ADGRB1: variants seen among roughly 807,000 people sequenced by gnomAD.
ADGRB1 encodes brain-specific angiogenesis inhibitor 1.
ADGRB1 carries 36 observed loss-of-function variants against 175.7 expected under a neutral mutation model. The ratio of observed to expected loss-of-function variants is 0.20; its 90% CI spans 0.16 to 0.27. The LOEUF (loss-of-function observed/expected upper bound fraction) is 0.27. Ranked by LOEUF, ADGRB1 falls within the 10% of genes least tolerant of loss-of-function variation. The probability of loss-of-function intolerance (pLI) is 1.00; values close to 1 mark genes in which losing one functional copy is unlikely to be tolerated. For missense variants in ADGRB1, 1,731 were observed against 2,255.3 expected, an observed-to-expected ratio of 0.77 and a Z score of 4.71; for synonymous variants, 1,054 against 979.4, an observed-to-expected ratio of 1.08 and a Z score of -1.42.
chr8:142,471,983 G>A (rs1399690199), intron 2 of ADGRB1, among the ~76,000 whole-genome samples: 1 of 152,220 alleles, frequency 6.6e-6, no homozygotes, highest in Non-Finnish European at 1.5e-5. Flanking sequence ...CCTCGGACAC[G>A]CTGTGGGTGC....
chr8:142,449,781 G>A lies in ADGRB1; in HGVS notation c.-543G>A, dbSNP rs1448773613. The A allele has an allele frequency of 6.8e-6, 1 of 146,926 alleles. No individual in the cohort carries two copies. The highest frequency in any genetic ancestry group is 2.5e-5 in the African/African-American group (1 of 40,798). 9.1% of individuals were successfully genotyped at this position (146,926 alleles called of 1,614,324 possible). A position where few individuals can be genotyped will look rare whatever the true frequency, so the allele number is the denominator to read the frequency against. On this transcript the variant is annotated 5_prime_UTR_variant, in exon 1 of 31. Coordinates refer to ENST00000517894, the MANE Select transcript of ADGRB1 (RefSeq NM_001702.3). ...AGCGAGCGCGGAGCCGGAGAGCCGG[G>A]AGCACAGGCGGCCGCGCCGCGTCCT...
chr8:142,456,499 GCA>G (rs924729501), intron 1 of ADGRB1, among the ~76,000 whole-genome samples: 4 of 152,024 alleles, frequency 2.6e-5, no homozygotes, highest in African/African-American at 9.7e-5. Context: ...GCTGGAACAC[GCA>G]CATTCTGTTC....
intron 7 of ADGRB1, chr8:142,479,013 C>T (rs567174274): frequency 7.6e-5 from 24 of 314,956 alleles, no homozygotes; most frequent in Admixed American, 5.8e-4. Context: ...CACAGTGGGA[C>T]TTGGGGTGTC....
At chr8:142,477,070 G>C in intron 4 of ADGRB1, 44 bp from the exon 5 acceptor site, 7 of 1,479,372 alleles carry the variant, frequency 4.7e-6, no homozygotes, top group Non-Finnish European at 5.4e-6. Context: ...TCTGACTGCA[G>C]CCCCATGGGC....
chr8:142,469,361 A>G (rs1840473340), intron 2 of ADGRB1, among the ~76,000 whole-genome samples: 1 of 147,968 alleles, frequency 6.8e-6, no homozygotes, highest in Non-Finnish European at 1.5e-5. Context: ...GTCTATGTGC[A>G]CGTGCATGTG....
At chr8:142,500,716 A>T (rs1016654777) in intron 17 of ADGRB1, among the ~76,000 whole-genome samples, 2 of 152,046 alleles carry the variant, frequency 1.3e-5, no homozygotes, top group African/African-American at 4.8e-5. Context: ...AAGGCAGGAT[A>T]TGAGGTAGAC....
At chr8:142,523,163 G>A (rs1843953608) in intron 22 of ADGRB1, among the ~76,000 whole-genome samples, 1 of 152,234 alleles carries the variant, frequency 6.6e-6, no homozygotes, top group Admixed American at 6.5e-5. Flanking sequence ...TGATGTCACT[G>A]AGACCCTGAA....
At chr8:142,530,490 CT>C (rs1844558877) in intron 24 of ADGRB1, among the ~76,000 whole-genome samples, 1 of 152,184 alleles carries the variant, frequency 6.6e-6, no homozygotes, top group Non-Finnish European at 1.5e-5. Context: ...CTGTACCCTC[CT>C]GCTTTGCTCC....
chr8:142,534,834 C>T (rs1010877572), intron 25 of ADGRB1, among the ~76,000 whole-genome samples: 5 of 152,214 alleles, frequency 3.3e-5, no homozygotes, highest in Non-Finnish European at 5.9e-5. Context: ...GGGCCAGGCC[C>T]TGGTCCCAGC....
At chr8:142,500,051 G>GC (rs1243149813) in intron 17 of ADGRB1, among the ~76,000 whole-genome samples, 2 of 152,264 alleles carry the variant, frequency 1.3e-5, no homozygotes, top group East Asian at 3.9e-4. Flanking sequence ...CCATGTCTGA[G>GC]CCTCCCTCAG....
At chr8:142,514,163 G>A (rs1242611529) in intron 18 of ADGRB1, among the ~76,000 whole-genome samples, 2 of 152,122 alleles carry the variant, frequency 1.3e-5, no homozygotes, top group Admixed American at 6.5e-5. Flanking sequence ...GGCAGAGGCT[G>A]TGGCTTCGGG....
chr8:142,530,996 C>G (rs1246819796), intron 24 of ADGRB1, among the ~76,000 whole-genome samples: 2 of 152,226 alleles, frequency 1.3e-5, no homozygotes, highest in Non-Finnish European at 2.9e-5. Context: ...CCCAGGCCAC[C>G]TGCCAGCCGC....
At chr8:142,468,072 G>T (rs182691780) in intron 2 of ADGRB1, among the ~76,000 whole-genome samples, 1 of 152,338 alleles carries the variant, frequency 6.6e-6, no homozygotes, top group Non-Finnish European at 1.5e-5. Flanking sequence ...ATGCATTCAT[G>T]CAAGTGTGTT....
At chr8:142,495,599 G>A (rs1390412657) in intron 17 of ADGRB1, among the ~76,000 whole-genome samples, 2 of 152,018 alleles carry the variant, frequency 1.3e-5, no homozygotes, top group Non-Finnish European at 2.9e-5. Context: ...GCTTCTGGTG[G>A]CTCTAGGAAA....
At chr8:142,466,708 G>A (rs1478022330) in intron 2 of ADGRB1, among the ~76,000 whole-genome samples, 1 of 152,192 alleles carries the variant, frequency 6.6e-6, no homozygotes, top group African/African-American at 2.4e-5. Flanking sequence ...AGGGGGACTG[G>A]GGAGAGAACG....
In ADGRB1 at chr8:142,537,205, T is replaced by A; in HGVS notation, c.3666+123T>A. ...CCAGCAACCCTGCTGAGAGGAGCTCTGAACCCAGTGTGCAGTTGGGGAAAC... is the reference window on the plus strand; with the variant it reads ...CCAGCAACCCTGCTGAGAGGAGCTCAGAACCCAGTGTGCAGTTGGGGAAAC... On this transcript the variant is annotated intron_variant, in intron 26 of 30. Coordinates refer to ENST00000517894, the MANE Select transcript of ADGRB1 (RefSeq NM_001702.3). This position sits in a 1 kb window ranked among gnomAD's most constrained non-coding sequence, Gnocchi z 4.6. 1 of 718,448 alleles carries A rather than the reference T, an allele frequency of 1.4e-6. No homozygotes were observed. The highest frequency in any genetic ancestry group is 2.1e-6 in the Non-Finnish European group (1 of 485,578). The allele number at this position is 718,448 out of a possible 1,614,324, so 44.5% of individuals were successfully genotyped here. A position where few individuals can be genotyped will look rare whatever the true frequency, so the allele number is the denominator to read the frequency against.
At chr8:142,500,512 G>A (rs1842470923) in intron 17 of ADGRB1, among the ~76,000 whole-genome samples, 1 of 151,360 alleles carries the variant, frequency 6.6e-6, no homozygotes, top group Non-Finnish European at 1.5e-5. Flanking sequence ...CAGGGGTCCA[G>A]GCCACGGGGA....
At chr8:142,532,415 C>T (rs1051501370) in intron 24 of ADGRB1, among the ~76,000 whole-genome samples, 7 of 152,208 alleles carry the variant, frequency 4.6e-5, no homozygotes, top group Non-Finnish European at 1.0e-4. Flanking sequence ...CCCAGCGAGG[C>T]TGGGCTGCAG....
At chr8:142,463,932 C>T (rs1385973136) in intron 1 of ADGRB1, 48 bp from the exon 2 acceptor site, 5 of 323,234 alleles carry the variant, frequency 1.5e-5, no homozygotes, top group Non-Finnish European at 2.8e-5. Flanking sequence ...GCCCAGAGCC[C>T]ACGTCTCCCC....
Sources: allele counts gnomAD v4.1 joint callset (sites outside exome capture counted in the v4.1 genomes callset), GRCh38; gene constraint gnomAD v4.1.1; non-coding constraint Gnocchi (gnomAD v3.1); transcripts MANE v1.5; gene names NCBI Gene and HGNC (gene_info 2026-07-23, HGNC 2026-07-21).